KLHL2: variants seen among roughly 807,000 people sequenced by gnomAD.
The protein encoded by KLHL2 is kelch-like protein 2.
In KLHL2, 15 loss-of-function variants were observed where a neutral mutation model predicts 75.8. The observed-to-expected ratio is 0.20, with a 90% CI of 0.13 to 0.30. KLHL2 has a LOEUF of 0.30. Among genes scored for constraint, KLHL2 ranks in the 10% least tolerant of loss-of-function variants. KLHL2 has a pLI of 1.00. For synonymous variants in KLHL2, 214 were observed against 251.9 expected (o/e 0.85, Z 1.42); for missense variants, 381 against 741.0 (o/e 0.51, Z 5.64).
chr4:165,279,358 G>A, intron 5 of KLHL2: 1 of 1,581,002 alleles, frequency 6.3e-7, no homozygotes, highest in Non-Finnish European at 8.7e-7. Flanking sequence ...AGACTACGGT[G>A]GTTTCCCTCT....
intron 5 of KLHL2, among the ~76,000 whole-genome samples, chr4:165,276,335 C>T (rs555334414): frequency 3.3e-5 from 5 of 152,200 alleles, no homozygotes; most frequent in African/African-American, 4.8e-5. Flanking sequence ...TTTTTATATG[C>T]GCAAGTATTT....
intron 4 of KLHL2, among the ~76,000 whole-genome samples, chr4:165,242,815 A>G (rs1326340838): frequency 1.3e-5 from 2 of 152,198 alleles, no homozygotes; most frequent in East Asian, 1.9e-4. Flanking sequence ...TTGGCTTTAG[A>G]TATAAAAAAT....
At chr4:165,284,524 CG>C (rs1560803822) in intron 5 of KLHL2, among the ~76,000 whole-genome samples, 5 of 152,146 alleles carry the variant, frequency 3.3e-5, no homozygotes. Flanking sequence ...ACCATCTCGG[CG>C]TGGATTTCAT....
intron 5 of KLHL2, chr4:165,278,305 C>T (rs760193622): frequency 9.2e-7 from 1 of 1,084,074 alleles, no homozygotes; most frequent in South Asian, 1.2e-5. Flanking sequence ...TCAAGGGCTT[C>T]ACTACTGGAA....
At chr4:165,288,531 C>A (rs1744255233) in intron 5 of KLHL2, among the ~76,000 whole-genome samples, 2 of 152,196 alleles carry the variant, frequency 1.3e-5, no homozygotes, top group African/African-American at 4.8e-5. Flanking sequence ...TTCTTCCTTT[C>A]TAAGCTGACA....
chr4:165,249,802 T>C (rs1740544821), intron 4 of KLHL2, among the ~76,000 whole-genome samples: 2 of 152,180 alleles, frequency 1.3e-5, no homozygotes, highest in Non-Finnish European at 2.9e-5. Flanking sequence ...GATTTAATAA[T>C]GTGGACCATT....
At chr4:165,318,090 ATTCT>A in intron 14 of KLHL2, 121 bp downstream of exon 14, 14 of 841,740 alleles carry the variant, frequency 1.7e-5, no homozygotes, top group East Asian at 2.7e-5. Context: ...TTTATATCTT[ATTCT>A]TAAGATGATT....
At position 165,310,450 on chromosome 4, in the gene KLHL2, A is replaced by G. The variant is rs915808147; in HGVS notation, c.1040-103A>G. 23 of 933,872 alleles carry G rather than the reference A, an allele frequency of 2.5e-5. No homozygotes were observed. In the African/African-American group the frequency reaches 3.5e-4, roughly 14 times the overall value. The allele number at this position is 933,872 out of a possible 1,614,324, so 57.8% of individuals were successfully genotyped here. On this transcript the variant is annotated intron_variant, in intron 9 of 14. Coordinates refer to ENST00000226725, the MANE Select transcript of KLHL2 (RefSeq NM_007246.4). ...ATTTAATCAGGCTCCTCCTAAGAGT[A>G]GCATGTTCTGACAACAGCTATAGAT...
chr4:165,248,272 G>A (rs1211409024), intron 4 of KLHL2, among the ~76,000 whole-genome samples: 1 of 152,184 alleles, frequency 6.6e-6, no homozygotes, highest in African/African-American at 2.4e-5. Context: ...CAGTTGTGGT[G>A]GAGAGAATGG....
At chr4:165,231,786 A>T (rs1355468022) in intron 3 of KLHL2, among the ~76,000 whole-genome samples, 4 of 152,180 alleles carry the variant, frequency 2.6e-5, no homozygotes, top group Non-Finnish European at 5.9e-5. Flanking sequence ...CTAGGAGTGT[A>T]ATTGCCGGGT....
intron 5 of KLHL2, 42 bp downstream of exon 5, chr4:165,263,401 T>G: frequency 6.2e-7 from 1 of 1,602,234 alleles, no homozygotes; most frequent in Non-Finnish European, 8.5e-7. Flanking sequence ...AGGAAACTGC[T>G]TGGTTTTTGA....
At chr4:165,282,313 A>C (rs1483704620) in intron 5 of KLHL2, among the ~76,000 whole-genome samples, 4 of 152,222 alleles carry the variant, frequency 2.6e-5, no homozygotes, top group Admixed American at 2.0e-4. Context: ...ATACAGTAGG[A>C]TGAAAAAGAA....
Position 165,311,540 on chromosome 4 carries a change from C to A in KLHL2, c.1314C>A (p.Ser438Arg). ...TAGCTCCCATGAATACAAGGAGGAG[C>A]AGTGTTGGTGTGGGTGTTGTTGGAG... ...FHVAPMNTRR[S>R]SVGVGVVGGL... Residue 438 changes from serine (S) to arginine (R), a missense_variant, in exon 11 of 15, where the codon AGC (serine) becomes AGA (arginine). Transcript: ENST00000226725. The A allele has an allele frequency of 6.2e-7, 1 of 1,613,616 alleles. No individual in the cohort carries two copies. Among genetic ancestry groups the A allele is most frequent in the Non-Finnish European group, 8.5e-7 (1 of 1,179,674 alleles).
intron 5 of KLHL2, among the ~76,000 whole-genome samples, chr4:165,272,989 C>T (rs1742813302): frequency 6.6e-6 from 1 of 152,064 alleles, no homozygotes; most frequent in African/African-American, 2.4e-5. Context: ...GCTTTTATAC[C>T]ATGCTTCTGA....
intron 13 of KLHL2, among the ~76,000 whole-genome samples, chr4:165,315,089 C>T (rs1362770326): frequency 2.6e-5 from 4 of 152,028 alleles, no homozygotes. Context: ...GTAATCAGTT[C>T]GTTAGATGGT....
intron 1 of KLHL2, among the ~76,000 whole-genome samples, chr4:165,215,918 A>T (rs747942553): frequency 2.0e-5 from 3 of 152,062 alleles, no homozygotes; most frequent in Non-Finnish European, 4.4e-5. Flanking sequence ...GCTAATTCTA[A>T]AAAGGGCTTG....
intron 1 of KLHL2, among the ~76,000 whole-genome samples, chr4:165,217,279 C>T (rs780293529): frequency 6.6e-5 from 10 of 152,172 alleles, no homozygotes; most frequent in Non-Finnish European, 1.2e-4. Flanking sequence ...CATATATCTA[C>T]GCATTTTCCC....
chr4:165,303,135 C>T (rs1054168826), intron 8 of KLHL2, among the ~76,000 whole-genome samples: 4 of 152,078 alleles, frequency 2.6e-5, no homozygotes, highest in East Asian at 1.9e-4. Flanking sequence ...AGACCCAAAT[C>T]GTTACCCCAT....
chr4:165,243,828 T>C (rs1189726502), intron 4 of KLHL2, among the ~76,000 whole-genome samples: 1 of 152,224 alleles, frequency 6.6e-6, no homozygotes, highest in Non-Finnish European at 1.5e-5. Context: ...CCTGTTGACA[T>C]AGTTGAAAAA....
Sources: gnomAD v4.1 joint callset for allele counts (sites outside exome capture counted in the v4.1 genomes callset) on GRCh38, gnomAD v4.1.1 for gene constraint, MANE v1.5 for transcripts, NCBI Gene and HGNC (gene_info 2026-07-23, HGNC 2026-07-21) for gene names.